The following FNIP2 variants were observed in gnomAD, a reference collection of about 807,000 sequenced individuals.
The protein encoded by FNIP2 is folliculin interacting protein 2.
Under a neutral mutation model 108.7 loss-of-function variants are expected in FNIP2, and 32 were observed. That is an observed-to-expected ratio of 0.29 (90% CI 0.22 to 0.40). FNIP2 has a LOEUF of 0.40. Ranked by LOEUF, FNIP2 falls within the 10% of genes least tolerant of loss-of-function variation. FNIP2 has a pLI of 1.00. For synonymous variants in FNIP2, 480 were observed against 496.7 expected (o/e 0.97, Z 0.45); for missense variants, 1,202 against 1,381.6 (o/e 0.87, Z 2.06).
At chr4:158,861,515 T>G in intron 11 of FNIP2, 27 bp downstream of exon 11, 1 of 1,613,768 alleles carries the variant, frequency 6.2e-7, no homozygotes, top group Non-Finnish European at 8.5e-7. Context: ...TGGAGACTTG[T>G]ATGCAAATCT....
At chr4:158,798,334 G>C (rs1218146590) in intron 1 of FNIP2, among the ~76,000 whole-genome samples, 1 of 152,080 alleles carries the variant, frequency 6.6e-6, no homozygotes, top group South Asian at 2.1e-4. Flanking sequence ...AAAGTGCTGG[G>C]ATCACAGACG....
At chr4:158,776,604 C>T (rs545704123) in intron 1 of FNIP2, among the ~76,000 whole-genome samples, 1 of 152,306 alleles carries the variant, frequency 6.6e-6, no homozygotes, top group East Asian at 1.9e-4. Context: ...TACAAAAATA[C>T]CTTTTAAATT....
chr4:158,884,069 C>A (rs1781880458), intron 14 of FNIP2, among the ~76,000 whole-genome samples: 1 of 149,624 alleles, frequency 6.7e-6, no homozygotes, highest in Non-Finnish European at 1.5e-5. Context: ...AGCATATATG[C>A]AAGAACGGCA....
At chr4:158,887,200 G>A (rs753037654) in intron 14 of FNIP2, among the ~76,000 whole-genome samples, 5 of 152,066 alleles carry the variant, frequency 3.3e-5, no homozygotes, top group East Asian at 1.9e-4. Flanking sequence ...TCTTAGGTTC[G>A]TATTTTTTAG....
chr4:158,792,971 A>G (rs760850130), intron 1 of FNIP2, among the ~76,000 whole-genome samples: 1 of 152,194 alleles, frequency 6.6e-6, no homozygotes, highest in African/African-American at 2.4e-5. Context: ...TTATCAAGGG[A>G]CTGGAAGATT....
At chr4:158,784,679 A>G (rs1249144760) in intron 1 of FNIP2, among the ~76,000 whole-genome samples, 1 of 152,140 alleles carries the variant, frequency 6.6e-6, no homozygotes, top group African/African-American at 2.4e-5. Flanking sequence ...GCAGTTCATA[A>G]TAGGGTTCGC....
At chr4:158,804,755 A>C (rs1776883650) in intron 1 of FNIP2, among the ~76,000 whole-genome samples, 1 of 152,182 alleles carries the variant, frequency 6.6e-6, no homozygotes, top group South Asian at 2.1e-4. Context: ...TTAAAAAGAG[A>C]AAGTGACTTT....
chr4:158,811,877 G>A (rs1049128934), intron 1 of FNIP2, among the ~76,000 whole-genome samples: 1 of 152,248 alleles, frequency 6.6e-6, no homozygotes, highest in Non-Finnish European at 1.5e-5. Flanking sequence ...CTTTTCCCAT[G>A]TGAGCGAACA....
In FNIP2 at chr4:158,889,541, G is replaced by A. The variant is rs1037563565; in HGVS notation, c.2950-1905G>A. 6.6e-5 allele frequency among the ~76,000 whole-genome samples: 10 copies of A among 152,136 alleles called. No homozygotes were observed. In the South Asian group the frequency reaches 1.2e-3, roughly 19 times the overall value. ...GAAGATCATTTAGAAGACTAAGTTCGATTTGAACCTAGGGTCCAAATTACC... is the reference window on the plus strand; with the variant it reads ...GAAGATCATTTAGAAGACTAAGTTCAATTTGAACCTAGGGTCCAAATTACC... On this transcript the variant is annotated intron_variant, in intron 14 of 16. Transcript: ENST00000264433.
intron 14 of FNIP2, among the ~76,000 whole-genome samples, chr4:158,881,902 C>T (rs1781664148): frequency 6.6e-6 from 1 of 152,162 alleles, no homozygotes; most frequent in African/African-American, 2.4e-5. Context: ...GCGTCTCTGC[C>T]TGGCCGCCCA....
intron 1 of FNIP2, among the ~76,000 whole-genome samples, chr4:158,800,177 T>G (rs1288831405): frequency 6.6e-6 from 1 of 152,228 alleles, no homozygotes; most frequent in Non-Finnish European, 1.5e-5. Flanking sequence ...TGGATGCTGG[T>G]ACCTGGTCAG....
chr4:158,834,914 G>A (rs1778717150), intron 6 of FNIP2: 1 of 154,264 alleles, frequency 6.5e-6, no homozygotes, highest in Non-Finnish European at 1.4e-5. Context: ...TCTGCCAAGA[G>A]AGTGGGTTAT....
intron 1 of FNIP2, among the ~76,000 whole-genome samples, chr4:158,782,914 A>G (rs1776102144): frequency 6.6e-6 from 1 of 152,216 alleles, no homozygotes; most frequent in Admixed American, 6.5e-5. Flanking sequence ...TAAAGCTGTT[A>G]AAAAGCAGTC....
intron 14 of FNIP2, among the ~76,000 whole-genome samples, chr4:158,889,433 G>T (rs1300366298): frequency 3.3e-5 from 5 of 152,180 alleles, no homozygotes; most frequent in Non-Finnish European, 2.9e-5. Context: ...AAAGCACTTT[G>T]TGTTGGTAGT....
At chr4:158,880,412 G>T (rs932033558) in intron 14 of FNIP2, among the ~76,000 whole-genome samples, 1 of 152,106 alleles carries the variant, frequency 6.6e-6, no homozygotes, top group Non-Finnish European at 1.5e-5. Context: ...GGACACAGGA[G>T]GGGGAGCATC....
chr4:158,905,178 T>A lies in FNIP2; in HGVS notation c.*634T>A, dbSNP rs1343667480. ...AGGGACCCACTGTTTTCATTTCTTC[T>A]TGGAGTTTACCTTGTTTCAGATGCA... On this transcript the variant is annotated 3_prime_UTR_variant, in exon 17 of 17. Transcript: ENST00000264433. 6.6e-6 allele frequency: 1 copy of A among 152,496 alleles called. No homozygotes were observed. The highest frequency in any genetic ancestry group is 1.5e-5 in the Non-Finnish European group (1 of 68,240). The allele number at this position is 152,496 out of a possible 1,614,324, so 9.4% of individuals were successfully genotyped here.
chr4:158,825,490 C>G (rs1264147938), intron 1 of FNIP2, among the ~76,000 whole-genome samples: 2 of 152,174 alleles, frequency 1.3e-5, no homozygotes, highest in Admixed American at 1.3e-4. Context: ...GCTCTACCGA[C>G]TTGCTCCAAA....
At chr4:158,843,978 G>A (rs1779264497) in intron 7 of FNIP2, among the ~76,000 whole-genome samples, 1 of 152,194 alleles carries the variant, frequency 6.6e-6, no homozygotes, top group African/African-American at 2.4e-5. Flanking sequence ...TGAGGGTGCT[G>A]CCTGTTTGGA....
chr4:158,824,821 A>T (rs1778066212), intron 1 of FNIP2, among the ~76,000 whole-genome samples: 1 of 151,832 alleles, frequency 6.6e-6, no homozygotes, highest in African/African-American at 2.4e-5. Context: ...CAGCAGTCTT[A>T]CACCTTACCA....
Sources: allele counts gnomAD v4.1 joint callset (sites outside exome capture counted in the v4.1 genomes callset), GRCh38; gene constraint gnomAD v4.1.1; transcripts MANE v1.5; gene names NCBI Gene and HGNC (gene_info 2026-07-23, HGNC 2026-07-21).